Variants in CACNA1C observed in about 807,000 individuals in gnomAD.
CACNA1C encodes voltage-dependent L-type calcium channel subunit alpha-1C.
CACNA1C carries 30 observed loss-of-function variants against 229.0 expected under a neutral mutation model. The observed-to-expected ratio is 0.13, with a 90% CI of 0.10 to 0.18. The LOEUF (loss-of-function observed/expected upper bound fraction) is 0.18. Among genes scored for constraint, CACNA1C ranks in the 10% least tolerant of loss-of-function variants. CACNA1C has a pLI of 1.00. For synonymous variants in CACNA1C, 1,114 were observed against 1,132.5 expected (o/e 0.98, Z 0.33); for missense variants, 1,658 against 2,845.0 (o/e 0.58, Z 9.49).
intron 3 of CACNA1C, among the ~76,000 whole-genome samples, chr12:2,191,626 TCA>T (rs1439910815): frequency 4.0e-5 from 6 of 148,546 alleles, no homozygotes; most frequent in African/African-American, 1.3e-4. Context: ...ACACATGCAC[TCA>T]CAGGCACACA....
At chr12:2,068,128 A>G (rs995656453) in intron 1 of CACNA1C, among the ~76,000 whole-genome samples, 1 of 152,196 alleles carries the variant, frequency 6.6e-6, no homozygotes, top group African/African-American at 2.4e-5. Context: ...CCCTGTAATC[A>G]AGAAAAATAT....
At chr12:2,130,420 A>G (rs2091931237) in intron 3 of CACNA1C, among the ~76,000 whole-genome samples, 2 of 132,884 alleles carry the variant, frequency 1.5e-5, no homozygotes. Flanking sequence ...ATCATCTAGC[A>G]TTAGGTATAT....
rs180676739 is a variant in CACNA1C, at chr12:2,200,579, G to A, written c.477+80149G>A. 6.6e-4 allele frequency among the ~76,000 whole-genome samples: 101 copies of A among 152,310 alleles called. 1 individual carries two copies. Among genetic ancestry groups the A allele is most frequent in the South Asian group, 1.0e-3 (5 of 4,820 alleles). ...ACCTTGTTCTGGAGTCTGAGGATAC[G>A]GTGGTGACAGGGCAAGGCTCCTACT... is the stretch of plus-strand genomic sequence containing the variant. On this transcript the variant is annotated intron_variant, in intron 3 of 46. Coordinates refer to ENST00000399655, the MANE Select transcript of CACNA1C (RefSeq NM_000719.7).
At chr12:2,480,905 A>G (rs747056041) in intron 5 of CACNA1C, among the ~76,000 whole-genome samples, 20 of 152,238 alleles carry the variant, frequency 1.3e-4, no homozygotes, top group Non-Finnish European at 2.5e-4. Flanking sequence ...AACGTTGGCA[A>G]TGATCTCCAA....
chr12:2,132,130 C>T lies in CACNA1C; in HGVS notation c.477+11700C>T, dbSNP rs972655181. On this transcript the variant is annotated intron_variant, in intron 3 of 46. Coordinates refer to ENST00000399655, the MANE Select transcript of CACNA1C (RefSeq NM_000719.7). ...TGTCTGTTGTTGGTGTATAAGAATGCTTGTGATTTTTGTACATTGATTTTG... is the reference window on the plus strand; with the variant it reads ...TGTCTGTTGTTGGTGTATAAGAATGTTTGTGATTTTTGTACATTGATTTTG... Among the ~76,000 whole-genome samples, 3 of 141,788 alleles carry T rather than the reference C, an allele frequency of 2.1e-5. 1 individual carries two copies. The Admixed American group carries it at 2.1e-4, about 10-fold the overall frequency. 93.0% of individuals were successfully genotyped at this position (141,788 alleles called of 152,430 possible).
At position 2,585,540 on chromosome 12, in the gene CACNA1C, G is replaced by T; in HGVS notation, c.2460+44G>T. On this transcript the variant is annotated intron_variant, in intron 17 of 46. Transcript: ENST00000399655. The surrounding 1 kb of genome is among the most constrained non-coding windows in gnomAD (Gnocchi z 4.1). ...CCTGGAGCTGTGAGGCCGGTGCTGG[G>T]GAGGGAGGGCCACAGCCTTCCCAGG... is the stretch of plus-strand genomic sequence containing the variant. The T allele has an allele frequency of 6.6e-7, 1 of 1,511,526 alleles. No homozygotes were observed. The highest frequency in any genetic ancestry group is 8.9e-7 in the Non-Finnish European group (1 of 1,126,540). 93.6% of individuals were successfully genotyped at this position (1,511,526 alleles called of 1,614,324 possible).
rs532974224 is a variant in CACNA1C at position 2,067,750 on chromosome 12, G to T, written c.49+14139G>T. ...CTGCACTGTTAACCTCAGTCAGGGCGCAACGGTAGAAAGGAGGAGTGATGG... is the reference window on the plus strand; with the variant it reads ...CTGCACTGTTAACCTCAGTCAGGGCTCAACGGTAGAAAGGAGGAGTGATGG... On this transcript the variant is annotated intron_variant, in intron 1 of 46. Transcript: ENST00000399655. This position sits in a 1 kb window ranked among gnomAD's most constrained non-coding sequence, Gnocchi z 5.3. 1.3e-5 allele frequency among the ~76,000 whole-genome samples: 2 copies of T among 152,052 alleles called. No individual in the cohort carries two copies. The highest frequency in any genetic ancestry group is 2.9e-5 in the Non-Finnish European group (2 of 68,014).
intron 3 of CACNA1C, among the ~76,000 whole-genome samples, chr12:2,229,873 GC>G (rs1331167713): frequency 1.3e-5 from 2 of 152,212 alleles, no homozygotes; most frequent in African/African-American, 4.8e-5. Context: ...GAGCACGGCA[GC>G]TTTTGCCCGG....
chr12:2,325,319 G>A (rs993137157), intron 3 of CACNA1C, among the ~76,000 whole-genome samples: 5 of 152,226 alleles, frequency 3.3e-5, no homozygotes, highest in African/African-American at 1.2e-4. Flanking sequence ...GATACAGTGA[G>A]AATACCTGGT....
In CACNA1C at chr12:2,605,196, T is replaced by C. The variant is rs774430697; in HGVS notation, c.3048+28T>C. The C allele has an allele frequency of 6.7e-7, 1 of 1,488,960 alleles. No individual in the cohort carries two copies. Among genetic ancestry groups the C allele is most frequent in the Non-Finnish European group, 9.4e-7 (1 of 1,066,324 alleles). The allele number at this position is 1,488,960 out of a possible 1,614,324, so 92.2% of individuals were successfully genotyped here. A position where few individuals can be genotyped will look rare whatever the true frequency, so the allele number is the denominator to read the frequency against. On this transcript the variant is annotated intron_variant, in intron 23 of 46. Transcript: ENST00000399655. The surrounding 1 kb of genome is among the most constrained non-coding windows in gnomAD (Gnocchi z 6.2). Reference sequence around the variant, plus strand: ...GAGTTGAGGGCTTGGGTAGGGAGTCTCCAGCCAGCCCATTGGGGAGTGGGA... The same window carrying C: ...GAGTTGAGGGCTTGGGTAGGGAGTCCCCAGCCAGCCCATTGGGGAGTGGGA...
Position 2,679,650 on chromosome 12 carries a change from C to T in CACNA1C, c.5298C>T (p.Asn1766=), listed in dbSNP as rs184397732. The change falls in exon 42 of 47, where the codon AAC becomes AAT. Residue 1766 remains asparagine, a synonymous_variant. Coordinates refer to ENST00000399655, the MANE Select transcript of CACNA1C (RefSeq NM_000719.7). The surrounding 1 kb of genome is among the most constrained non-coding windows in gnomAD (Gnocchi z 5.5). ...SSYSSTGSNA[N]INNANNTALG... ...ACTCGTCCACCGGCTCCAACGCCAA[C>T]ATCAACAACGCCAACAACACCGCCC... is the stretch of plus-strand genomic sequence containing the variant. The T allele has an allele frequency of 6.2e-7, 1 of 1,613,884 alleles. No individual in the cohort carries two copies. The highest frequency in any genetic ancestry group is 8.5e-7 in the Non-Finnish European group (1 of 1,179,820).
At chr12:2,262,310 C>G (rs546052583) in intron 3 of CACNA1C, among the ~76,000 whole-genome samples, 15 of 152,356 alleles carry the variant, frequency 9.8e-5, no homozygotes, top group African/African-American at 3.6e-4. Flanking sequence ...CTGTGGCAAG[C>G]TGCTGTGTTG....
intron 3 of CACNA1C, among the ~76,000 whole-genome samples, chr12:2,243,534 G>A (rs2071559625): frequency 6.6e-6 from 1 of 152,172 alleles, no homozygotes; most frequent in South Asian, 2.1e-4. Flanking sequence ...AGACCACATG[G>A]GGGGATGATG....
At chr12:2,080,878 T>C (rs569962598) in intron 1 of CACNA1C, among the ~76,000 whole-genome samples, 1 of 152,142 alleles carries the variant, frequency 6.6e-6, no homozygotes, top group Non-Finnish European at 1.5e-5. Flanking sequence ...ATTGAAAGAA[T>C]TGGTGGAAAG....
At chr12:1,996,616 TAAAAAAAAAAAAAAAAAAAAAAAAAA>T (rs78563698) in intron 1 of CACNA1C, among the ~76,000 whole-genome samples, 1 of 18,832 alleles carries the variant, frequency 5.3e-5, no homozygotes, top group Admixed American at 8.1e-4. Flanking sequence ...GCTGATGAGC[TAAAAAAAAAAAAAAAAAAAAAAAAAA>T]AAAAAAAAAA....
chr12:2,637,743 C>CA (rs2093002867), intron 30 of CACNA1C, among the ~76,000 whole-genome samples: 1 of 152,236 alleles, frequency 6.6e-6, no homozygotes, highest in African/African-American at 2.4e-5. Flanking sequence ...CCGGGCCTTC[C>CA]CAGGTATTTT....
chr12:2,583,010 G>A (rs1337039176), intron 15 of CACNA1C, 68 bp downstream of exon 15: 2 of 1,213,328 alleles, frequency 1.6e-6, no homozygotes, highest in African/African-American at 1.5e-5. Context: ...GTGCCAAACG[G>A]GCACGCCCCT....
chr12:1,972,937 C>T (rs545975352), intron 1 of CACNA1C, among the ~76,000 whole-genome samples: 87 of 152,298 alleles, frequency 5.7e-4, no homozygotes, highest in Middle Eastern at 3.4e-3. Flanking sequence ...GCAGCAATGA[C>T]GCTGCCTGTG....
chr12:2,164,512 T>C (rs923746023), intron 3 of CACNA1C, among the ~76,000 whole-genome samples: 6 of 152,240 alleles, frequency 3.9e-5, no homozygotes, highest in African/African-American at 1.4e-4. Flanking sequence ...GAAGAGATGC[T>C]CATTGCCTTT....
Sources: allele counts gnomAD v4.1 joint callset (sites outside exome capture counted in the v4.1 genomes callset), GRCh38; gene constraint gnomAD v4.1.1; non-coding constraint Gnocchi (gnomAD v3.1); transcripts MANE v1.5; gene names NCBI Gene and HGNC (gene_info 2026-07-23, HGNC 2026-07-21).